Variants in KIF3C observed in about 807,000 individuals in gnomAD.
KIF3C encodes kinesin family member 3C.
Under a neutral mutation model 67.7 loss-of-function variants are expected in KIF3C, and 12 were observed. The observed-to-expected ratio is 0.18, with a 90% CI of 0.11 to 0.29. KIF3C has a LOEUF of 0.29. Ranked by LOEUF, KIF3C falls within the 10% of genes least tolerant of loss-of-function variation. The probability of loss-of-function intolerance (pLI) is 1.00; values close to 1 mark genes in which losing one functional copy is unlikely to be tolerated. For synonymous variants in KIF3C, 393 were observed against 426.2 expected, an observed-to-expected ratio of 0.92 and a Z score of 0.96; for missense variants, 789 against 1,059.6, an observed-to-expected ratio of 0.74 and a Z score of 3.55.
chr2:25,976,683 C>T (rs1664426616), intron 1 of KIF3C, among the ~76,000 whole-genome samples: 2 of 152,152 alleles, frequency 1.3e-5, no homozygotes, highest in Admixed American at 1.3e-4. Context: ...ATCCCTTGAA[C>T]CCGGGAGGCA....
rs1325643369 is a variant in KIF3C at position 25,928,890 on chromosome 2, C to G, written c.*88G>C. The G allele has an allele frequency of 9.1e-7, 1 of 1,102,572 alleles. No homozygotes were observed. Among genetic ancestry groups the G allele is most frequent in the East Asian group, 2.4e-5 (1 of 42,356 alleles). 68.3% of individuals were successfully genotyped at this position (1,102,572 alleles called of 1,614,324 possible). ...ACGCACACGCACATGCACGCACACG[C>G]ACACGCACCAAGCGGCAGATGAGAT... is the stretch of plus-strand genomic sequence containing the variant. On this transcript the variant is annotated 3_prime_UTR_variant, in exon 8 of 8. Coordinates refer to ENST00000264712, the MANE Select transcript of KIF3C (RefSeq NM_002254.8).
At chr2:25,932,191 G>C (rs1285463939) in intron 5 of KIF3C, among the ~76,000 whole-genome samples, 3 of 150,812 alleles carry the variant, frequency 2.0e-5, no homozygotes, top group African/African-American at 7.3e-5. Flanking sequence ...TAGTAGAGAC[G>C]GGGTTTCACC....
At chr2:25,945,169 G>C (rs1316395252) in intron 5 of KIF3C, among the ~76,000 whole-genome samples, 1 of 151,976 alleles carries the variant, frequency 6.6e-6, no homozygotes, top group Admixed American at 6.6e-5. Flanking sequence ...TGTCCAATTG[G>C]TATTCATTTA....
At chr2:25,945,776 C>A (rs759555404) in intron 5 of KIF3C, among the ~76,000 whole-genome samples, 1 of 151,298 alleles carries the variant, frequency 6.6e-6, no homozygotes, top group Non-Finnish European at 1.5e-5. Flanking sequence ...ACAACAACAG[C>A]AAAATAATAC....
chr2:25,948,632 G>GAGAGAGAAAGAGAA (rs367546203), intron 5 of KIF3C, among the ~76,000 whole-genome samples: 13 of 100,656 alleles, frequency 1.3e-4, no homozygotes, highest in Admixed American at 5.4e-4. Flanking sequence ...GAGAGAAAGA[G>GAGAGAGAAAGAGAA]AGAGAGAAAG....
chr2:25,930,163 G>T, intron 5 of KIF3C, 100 bp from the exon 6 acceptor site: 1 of 896,556 alleles, frequency 1.1e-6, no homozygotes, highest in Non-Finnish European at 1.8e-6. Context: ...AGGAGGCCCT[G>T]CAGACTGCAA....
rs1282685668 is a variant in KIF3C at position 25,980,627 on chromosome 2, C to A, written c.1291G>T (p.Val431Leu). 6.2e-7 allele frequency: 1 copy of A among 1,614,084 alleles called. No individual in the cohort carries two copies. Residue 431 changes from valine (V) to leucine (L), a missense_variant, in exon 1 of 8, where the codon GTG becomes TTG. This residue lies in a region of KIF3C where 648 missense variants were observed against 807.8 expected (regional missense o/e 0.80). Transcript: ENST00000264712. This position sits in a 1 kb window ranked among gnomAD's most constrained non-coding sequence, Gnocchi z 7.6. ...TTGTTGTCATCCTCCTCTTCTGCCA[C>A]CCAGGCCTCAATCACTGGGCCCTCA... ...YPEGPVIEAW[V>L]AEEEDDNNNN...
chr2:25,967,530 G>A (rs921061722), intron 1 of KIF3C, among the ~76,000 whole-genome samples: 1 of 152,202 alleles, frequency 6.6e-6, no homozygotes, highest in Non-Finnish European at 1.5e-5. Flanking sequence ...AGTTGGGCTG[G>A]GTGCAGAGGC....
chr2:25,974,645 T>G (rs188386612), intron 1 of KIF3C, among the ~76,000 whole-genome samples: 3 of 152,240 alleles, frequency 2.0e-5, no homozygotes, highest in East Asian at 3.9e-4. Context: ...GCCCTGAACA[T>G]AGCACTTCAT....
chr2:25,949,501 A>G (rs915305120), intron 5 of KIF3C, among the ~76,000 whole-genome samples: 4 of 152,054 alleles, frequency 2.6e-5, no homozygotes, highest in Admixed American at 2.6e-4. Context: ...CTGTGATTAC[A>G]CCACTGCACT....
In KIF3C at chr2:25,929,087, C is replaced by T. The variant is rs371967698; in HGVS notation, c.2289-16G>A. ...ACTCTGGCACCTGCAGGGGAGATGACGCAGGCGAAAGGGGAGGTTAGGGAA... is the reference window on the plus strand; with the variant it reads ...ACTCTGGCACCTGCAGGGGAGATGATGCAGGCGAAAGGGGAGGTTAGGGAA... On this transcript the variant is annotated splice_polypyrimidine_tract_variant and intron_variant, in intron 7 of 7. Transcript: ENST00000264712. The T allele has an allele frequency of 8.1e-6, 13 of 1,607,628 alleles. No individual in the cohort carries two copies. The highest frequency in any genetic ancestry group is 5.3e-5 in the African/African-American group (4 of 74,786).
chr2:25,956,137 C>T (rs569792336), intron 2 of KIF3C, among the ~76,000 whole-genome samples: 2 of 152,296 alleles, frequency 1.3e-5, no homozygotes, highest in East Asian at 3.9e-4. Context: ...AGAGCTATCA[C>T]GTCCTCTCGC....
At chr2:25,962,969 TATATAATATATAATATATAATATATATA>T (rs1664021881) in intron 1 of KIF3C, among the ~76,000 whole-genome samples, 3 of 45,902 alleles carry the variant, frequency 6.5e-5, no homozygotes, top group African/African-American at 1.7e-4. Flanking sequence ...ATATATATAA[TATATAATATATAATATATAATATATATA>T]ATATATAATA....
At chr2:25,962,299 A>T (rs1166506906) in intron 1 of KIF3C, among the ~76,000 whole-genome samples, 2 of 152,110 alleles carry the variant, frequency 1.3e-5, no homozygotes, top group African/African-American at 4.8e-5. Context: ...CATCAAAATC[A>T]CCAAAGAAAT....
intron 1 of KIF3C, among the ~76,000 whole-genome samples, chr2:25,976,205 T>C (rs1316735348): frequency 6.6e-6 from 1 of 152,142 alleles, no homozygotes; most frequent in Non-Finnish European, 1.5e-5. Flanking sequence ...ACAGTTCGCA[T>C]TCCTCCTTAT....
At chr2:25,967,931 C>T (rs865846569) in intron 1 of KIF3C, among the ~76,000 whole-genome samples, 5 of 152,284 alleles carry the variant, frequency 3.3e-5, no homozygotes, top group South Asian at 2.1e-4. Flanking sequence ...AAATGGTAGT[C>T]GTTACTCGCT....
At position 25,930,034 on chromosome 2, in the gene KIF3C, G is replaced by A. The variant is rs753003861; in HGVS notation, c.2036C>T (p.Thr679Ile). ...AGGCCTCTTGTAGCCCACTGCAGAT[G>A]TTGGCCGCTTCTTCATCTGGCTGCT... ...VSSSQMKKRP[T>I]SAVGYKRPIS... Residue 679 changes from threonine to isoleucine, a missense_variant, in exon 6 of 8, where the codon ACA becomes ATA. Physicochemically the swap from Thr to Ile is moderately conservative, Grantham distance 89. Around this residue, in one of 2 missense-constraint regions of KIF3C, gnomAD observed 648 missense variants for 807.8 expected, o/e 0.80. Coordinates refer to ENST00000264712, the MANE Select transcript of KIF3C (RefSeq NM_002254.8). The A allele has an allele frequency of 1.9e-6, 3 of 1,614,106 alleles. No individual in the cohort carries two copies. The highest frequency in any genetic ancestry group is 2.5e-6 in the Non-Finnish European group (3 of 1,179,944).
chr2:25,977,496 A>G (rs1664446842), intron 1 of KIF3C, among the ~76,000 whole-genome samples: 1 of 151,950 alleles, frequency 6.6e-6, no homozygotes, highest in Non-Finnish European at 1.5e-5. Context: ...GCCTGGCTCT[A>G]CTCCCAGCAA....
At chr2:25,931,223 G>C (rs1203814152) in intron 5 of KIF3C, among the ~76,000 whole-genome samples, 1 of 152,004 alleles carries the variant, frequency 6.6e-6, no homozygotes, top group East Asian at 1.9e-4. Flanking sequence ...TTGGGAGGCC[G>C]AGACGGGTAG....
Sources: gnomAD v4.1 joint callset for allele counts (sites outside exome capture counted in the v4.1 genomes callset) on GRCh38, gnomAD v4.1.1 for gene constraint, gnomAD v4.1.1 regional missense constraint, Gnocchi (gnomAD v3.1) non-coding constraint, MANE v1.5 for transcripts, NCBI Gene and HGNC (gene_info 2026-07-23, HGNC 2026-07-21) for gene names.